The following TMEM44 variants were observed in gnomAD, a reference collection of about 807,000 sequenced individuals.
The protein encoded by TMEM44 is transmembrane protein 44.
A neutral mutation model predicts 47.8 loss-of-function variants in TMEM44; 43 were observed. The ratio of observed to expected loss-of-function variants is 0.90; its 90% CI spans 0.70 to 1.16. The LOEUF is 1.16. Among genes scored for constraint, TMEM44 ranks in the 50% most tolerant of loss-of-function variants. The pLI is 0.00. For synonymous variants in TMEM44, 277 were observed against 238.8 expected (o/e 1.16, Z -1.48); for missense variants, 568 against 555.2 (o/e 1.02, Z -0.23).
intron 2 of TMEM44, among the ~76,000 whole-genome samples, chr3:194,627,157 A>G (rs1273326550): frequency 6.6e-6 from 1 of 152,190 alleles, no homozygotes; most frequent in Non-Finnish European, 1.5e-5. Context: ...TTAGCCTCCC[A>G]AAGTGCTGGG....
In TMEM44 at chr3:194,588,490, AC is replaced by A. The variant is rs1712139096; in HGVS notation, c.*38del. On this transcript the variant is annotated 3_prime_UTR_variant, in exon 10 of 10. Transcript: ENST00000347147. ...CGCTGCGTTACTGAACGAACTCCTG[AC>A]CCTGGGCTCTGAGCTGATGAGCTGG... 6.3e-7 allele frequency: 1 copy of A among 1,586,230 alleles called. No individual in the cohort carries two copies. The highest frequency in any genetic ancestry group is 8.7e-7 in the Non-Finnish European group (1 of 1,155,900).
chr3:194,625,436 G>GA (rs1553839307), intron 3 of TMEM44, among the ~76,000 whole-genome samples: 3 of 120,138 alleles, frequency 2.5e-5, no homozygotes, highest in Admixed American at 8.5e-5. Flanking sequence ...TTTTTGGGGG[G>GA]GGGGGGTTGT....
intron 9 of TMEM44, among the ~76,000 whole-genome samples, chr3:194,599,244 T>C (rs554946986): frequency 1.5e-3 from 230 of 152,288 alleles, no homozygotes; most frequent in African/African-American, 5.4e-3. Context: ...ACCAAGTGCC[T>C]GCCACCCTAT....
In TMEM44 at chr3:194,612,924, C is replaced by T. The variant is rs553616657; in HGVS notation, c.913-1904G>A. 4.9e-3 allele frequency among the ~76,000 whole-genome samples: 742 copies of T among 152,222 alleles called. 1 individual carries two copies. Among genetic ancestry groups the T allele is most frequent in the Middle Eastern group, 0.014 (4 of 294 alleles). ...GCCTCTGCCTCCCAAAGTGCTGGGA[C>T]TACAGGCCTGAACCACTGCACCCAG... is the stretch of plus-strand genomic sequence containing the variant. On this transcript the variant is annotated intron_variant, in intron 7 of 9. Coordinates refer to ENST00000347147, the MANE Select transcript of TMEM44 (RefSeq NM_001011655.3).
intron 5 of TMEM44, among the ~76,000 whole-genome samples, chr3:194,621,811 G>A (rs1716571364): frequency 6.6e-6 from 1 of 151,938 alleles, no homozygotes; most frequent in Non-Finnish European, 1.5e-5. Flanking sequence ...CCACCTCCTG[G>A]ATTCAAGTGA....
At chr3:194,621,966 C>T (rs1246290027) in intron 5 of TMEM44, among the ~76,000 whole-genome samples, 1 of 152,210 alleles carries the variant, frequency 6.6e-6, no homozygotes, top group African/African-American at 2.4e-5. Flanking sequence ...CCTGCCTCGG[C>T]CTCCCAAAGT....
chr3:194,623,412 G>A (rs1716792303), intron 4 of TMEM44, 102 bp from the exon 5 acceptor site: 20 of 1,502,044 alleles, frequency 1.3e-5, no homozygotes, highest in Non-Finnish European at 1.8e-5. Flanking sequence ...GCTTTTAGAG[G>A]GTTCTTCCAA....
intron 1 of TMEM44, among the ~76,000 whole-genome samples, chr3:194,631,909 C>G (rs1485246190): frequency 1.3e-5 from 2 of 152,204 alleles, no homozygotes; most frequent in African/African-American, 4.8e-5. Flanking sequence ...CTTAACCCCT[C>G]CAAGGTTGGC....
At chr3:194,614,060 TGTG>T (rs1715624025) in intron 7 of TMEM44, among the ~76,000 whole-genome samples, 1 of 151,986 alleles carries the variant, frequency 6.6e-6, no homozygotes, top group South Asian at 2.1e-4. Flanking sequence ...AGGCGGAGGT[TGTG>T]GTGAGCCGAG....
chr3:194,614,544 C>T (rs1247513810), intron 7 of TMEM44, among the ~76,000 whole-genome samples: 3 of 152,122 alleles, frequency 2.0e-5, no homozygotes, highest in Admixed American at 6.5e-5. Flanking sequence ...GCTGGGACTA[C>T]AGGCACACAC....
chr3:194,622,105 G>A (rs773534882), intron 5 of TMEM44, among the ~76,000 whole-genome samples: 10 of 152,250 alleles, frequency 6.6e-5, no homozygotes, highest in Non-Finnish European at 5.9e-5. Context: ...TCTCAGAGTC[G>A]TCTGCAGAGG....
chr3:194,601,146 TTTG>T (rs1198028695), intron 9 of TMEM44, among the ~76,000 whole-genome samples: 2 of 135,176 alleles, frequency 1.5e-5, no homozygotes, highest in African/African-American at 3.0e-5. Flanking sequence ...AATTTACTTG[TTTG>T]TTTTTTTTTT....
At chr3:194,591,626 A>T (rs1712734882) in intron 9 of TMEM44, among the ~76,000 whole-genome samples, 2 of 151,932 alleles carry the variant, frequency 1.3e-5, no homozygotes, top group South Asian at 4.2e-4. Flanking sequence ...TTATTTATTT[A>T]TTTTGAGACA....
chr3:194,597,533 G>GCA (rs1713568494), intron 9 of TMEM44, among the ~76,000 whole-genome samples: 1 of 151,834 alleles, frequency 6.6e-6, no homozygotes, highest in South Asian at 2.1e-4. Context: ...GGTGGCAGGT[G>GCA]CCTGTAGTCC....
Position 194,604,296 on chromosome 3 carries a change from G to T in TMEM44, c.1167C>A (p.Ser389=). The T allele has an allele frequency of 6.3e-7, 1 of 1,579,452 alleles. No individual in the cohort carries two copies. Among genetic ancestry groups the T allele is most frequent in the East Asian group, 2.4e-5 (1 of 42,390 alleles). ...GSSSEVSSIN[S]DLEWDPEDVN... is the part of the protein sequence containing the mutation. The stretch of plus-strand genomic sequence containing the variant: ...GGCAACAGCCGTGTACCTCCAGGTC[G>T]GAGTTGATGGAGGAGACCTCAGAGG... Residue 389 remains serine, a synonymous_variant, in exon 9 of 10, where the codon TCC becomes TCA. Transcript: ENST00000347147.
intron 1 of TMEM44, among the ~76,000 whole-genome samples, chr3:194,631,125 C>G (rs1717776690): frequency 6.6e-6 from 1 of 151,488 alleles, no homozygotes; most frequent in African/African-American, 2.4e-5. Flanking sequence ...ACCGATAGGG[C>G]CTCTGAAATA....
In TMEM44 at chr3:194,606,383, C is replaced by T. The variant is rs142566136; in HGVS notation, c.1018-1938G>A. Among the ~76,000 whole-genome samples, 684 of 152,276 alleles carry T rather than the reference C, an allele frequency of 4.5e-3. 1 individual carries two copies. Among genetic ancestry groups the T allele is most frequent in the African/African-American group, 0.016 (659 of 41,550 alleles). On this transcript the variant is annotated intron_variant, in intron 8 of 9. Transcript: ENST00000347147. ...CTAATGGGATATGTATCAGTGGACACGGCCAACAGGGTGCCTGTTTCCCCA... is the reference window on the plus strand; with the variant it reads ...CTAATGGGATATGTATCAGTGGACATGGCCAACAGGGTGCCTGTTTCCCCA...
At chr3:194,630,841 C>G (rs1195921571) in intron 1 of TMEM44, among the ~76,000 whole-genome samples, 1 of 148,508 alleles carries the variant, frequency 6.7e-6, no homozygotes, top group East Asian at 2.0e-4. Flanking sequence ...CTGATAGGGC[C>G]TCTGAAATAA....
intron 9 of TMEM44, among the ~76,000 whole-genome samples, chr3:194,598,965 C>A (rs9858994): frequency 0.43 from 64,879 of 151,970 alleles, 14,732 homozygotes; most frequent in East Asian, 0.77. Context: ...TGGTGAGTAA[C>A]AGACAGACAA....
Sources: allele counts gnomAD v4.1 joint callset (sites outside exome capture counted in the v4.1 genomes callset), GRCh38; gene constraint gnomAD v4.1.1; transcripts MANE v1.5; gene names NCBI Gene and HGNC (gene_info 2026-07-23, HGNC 2026-07-21).